Variants in TTYH1 observed in about 807,000 individuals in gnomAD.
TTYH1 encodes tweety family member 1, also known as protein tweety homolog 1.
In TTYH1, 33 loss-of-function variants were observed where a neutral mutation model predicts 61.2. The ratio of observed to expected loss-of-function variants is 0.54; its 90% CI spans 0.41 to 0.72. The LOEUF (loss-of-function observed/expected upper bound fraction) is 0.72, where lower values mean the gene tolerates loss of function less well. TTYH1 is among the 30% of genes least tolerant of loss of function. The pLI is 0.00. For missense variants in TTYH1, 538 were observed against 575.8 expected, an observed-to-expected ratio of 0.93 and a Z score of 0.67; for synonymous variants, 308 against 266.4, an observed-to-expected ratio of 1.16 and a Z score of -1.52.
At chr19:54,427,618 C>CAACAACA (rs1376863825) in intron 5 of TTYH1, among the ~76,000 whole-genome samples, 13 of 140,170 alleles carry the variant, frequency 9.3e-5, no homozygotes, top group South Asian at 4.5e-4. Context: ...ACAACAACAA[C>CAACAACA]AAAAAAAAAA....
In TTYH1 at chr19:54,419,218, C is replaced by G; in HGVS notation, c.217C>G (p.Arg73Gly). The G allele has an allele frequency of 1.2e-6, 2 of 1,610,922 alleles. No individual in the cohort carries two copies. The change falls in exon 2 of 14, where the codon CGG (arginine) becomes GGG (glycine). Residue 73 changes from arginine (R) to glycine (G), a missense_variant. Coordinates refer to ENST00000376530, the MANE Select transcript of TTYH1 (RefSeq NM_020659.4). The surrounding 1 kb of genome is among the most constrained non-coding windows in gnomAD (Gnocchi z 6.1). ...CTACCTCATCCGCTTCTGCTGCTGC[C>G]GGCCCCCCGAGCCCCCCGGGTCCAA... Reference protein sequence around the residue: ...AVYLIRFCCCRPPEPPGSKIP... With the variant: ...AVYLIRFCCCGPPEPPGSKIP...
Position 54,419,009 on chromosome 19 carries a change from G to C in TTYH1, c.127-119G>C. On this transcript the variant is annotated intron_variant, in intron 1 of 13. Transcript: ENST00000376530. This position sits in a 1 kb window ranked among gnomAD's most constrained non-coding sequence, Gnocchi z 6.1. ...CAATCTCCCCCAAGATTAGGCCAGG[G>C]ATGTCTCCCACCTTCACTCTGACAT... 1 of 1,013,356 alleles carries C rather than the reference G, an allele frequency of 9.9e-7. No homozygotes were observed. Among genetic ancestry groups the C allele is most frequent in the Non-Finnish European group, 1.4e-6 (1 of 692,152 alleles). The allele number at this position is 1,013,356 out of a possible 1,614,324, so 62.8% of individuals were successfully genotyped here. A position where few individuals can be genotyped will look rare whatever the true frequency, so the allele number is the denominator to read the frequency against.
intron 1 of TTYH1, chr19:54,418,836 G>T: frequency 2.7e-6 from 1 of 369,868 alleles, no homozygotes; most frequent in Non-Finnish European, 4.8e-6. Context: ...GCTCGGAGAA[G>T]GGGCGGTTCC....
At chr19:54,430,656 A>G in intron 8 of TTYH1, 51 bp downstream of exon 8, 1 of 1,365,814 alleles carries the variant, frequency 7.3e-7, no homozygotes, top group Non-Finnish European at 1.0e-6. Context: ...AGAAATCTGG[A>G]CTCTGAAGGG....
rs940589969 is a variant in TTYH1, at chr19:54,419,686, C to CG, written c.305+385dup. 1.9e-4 allele frequency: 91 copies of CG among 481,166 alleles called. 1 individual carries two copies. The Middle Eastern group carries it at 4.6e-3, about 24-fold the overall frequency. The allele number at this position is 481,166 out of a possible 1,614,324, so 29.8% of individuals were successfully genotyped here. A position where few individuals can be genotyped will look rare whatever the true frequency, so the allele number is the denominator to read the frequency against. On this transcript the variant is annotated intron_variant, in intron 2 of 13. Transcript: ENST00000376530. This position sits in a 1 kb window ranked among gnomAD's most constrained non-coding sequence, Gnocchi z 6.1. ...GCATTATCATCTCGCCCACCTCCTG[C>CG]GGGGGTAAGATGGAGAGAAAGCACA... is the stretch of plus-strand genomic sequence containing the variant.
rs773729665 is a variant in TTYH1, at chr19:54,429,865, T to G, written c.808-17T>G. On this transcript the variant is annotated splice_polypyrimidine_tract_variant and intron_variant, in intron 6 of 13. Coordinates refer to ENST00000376530, the MANE Select transcript of TTYH1 (RefSeq NM_020659.4). The surrounding 1 kb of genome is among the most constrained non-coding windows in gnomAD (Gnocchi z 5.1). The stretch of plus-strand genomic sequence containing the variant: ...GGCAGTTTTGGGTTTGAGCCCCTTT[T>G]CTGCTGCCTCACGCAGGGCCTCAGT... 3 of 1,613,042 alleles carry G rather than the reference T, an allele frequency of 1.9e-6. No individual in the cohort carries two copies. The highest frequency in any genetic ancestry group is 2.5e-6 in the Non-Finnish European group (3 of 1,179,458).
At chr19:54,426,868 T>G (rs2083330036) in intron 5 of TTYH1, 100 bp downstream of exon 5, 2 of 1,075,766 alleles carry the variant, frequency 1.9e-6, no homozygotes, top group East Asian at 5.0e-5. Flanking sequence ...CCGTGGTCCT[T>G]CACGGCCGGG....
rs1297581149 is a variant in TTYH1, at chr19:54,430,925, C to G, written c.1032+20C>G. 3.7e-6 allele frequency: 6 copies of G among 1,609,448 alleles called. No homozygotes were observed. Among genetic ancestry groups the G allele is most frequent in the South Asian group, 1.1e-5 (1 of 90,984 alleles). On this transcript the variant is annotated intron_variant, in intron 9 of 13. Coordinates refer to ENST00000376530, the MANE Select transcript of TTYH1 (RefSeq NM_020659.4). ...GCGCAGGTCGGTGGGTGGGCGCTCCCCAGACACGCGGACCCCACGGGGAAG... is the reference window on the plus strand; with the variant it reads ...GCGCAGGTCGGTGGGTGGGCGCTCCGCAGACACGCGGACCCCACGGGGAAG...
At position 54,422,285 on chromosome 19, in the gene TTYH1, C is replaced by G. The variant is rs767703881; in HGVS notation, c.513C>G (p.Ala171=). The G allele has an allele frequency of 6.4e-7, 1 of 1,567,104 alleles. No individual in the cohort carries two copies. ...AGCCGCGCACGGAGCTGGTGGCTGCCGCCCGAGGGGCTCGACGGCAGGCGG... is the reference window on the plus strand; with the variant it reads ...AGCCGCGCACGGAGCTGGTGGCTGCGGCCCGAGGGGCTCGACGGCAGGCGG... ...VLEPRTELVA[A]ARGARRQAEA... The change falls in exon 4 of 14, where the codon GCC becomes GCG. Residue 171 remains alanine (A), a synonymous_variant. Coordinates refer to ENST00000376530, the MANE Select transcript of TTYH1 (RefSeq NM_020659.4).
intron 1 of TTYH1, among the ~76,000 whole-genome samples, chr19:54,417,311 A>G (rs930371309): frequency 6.6e-5 from 10 of 150,644 alleles, no homozygotes; most frequent in African/African-American, 2.2e-4. Flanking sequence ...ATGCACACTC[A>G]CATGCACACA....
At position 54,419,012 on chromosome 19, in the gene TTYH1, G is replaced by A. The variant is rs972994464; in HGVS notation, c.127-116G>A. 2.2e-4 allele frequency: 234 copies of A among 1,042,226 alleles called. 3 individuals are homozygous for A. The highest frequency in any genetic ancestry group is 1.7e-3 in the Middle Eastern group (6 of 3,580). 64.6% of individuals were successfully genotyped at this position (1,042,226 alleles called of 1,614,324 possible). Reference sequence around the variant, plus strand: ...TCTCCCCCAAGATTAGGCCAGGGATGTCTCCCACCTTCACTCTGACATCCC... The same window carrying A: ...TCTCCCCCAAGATTAGGCCAGGGATATCTCCCACCTTCACTCTGACATCCC... On this transcript the variant is annotated intron_variant, in intron 1 of 13. Transcript: ENST00000376530. The surrounding 1 kb of genome is among the most constrained non-coding windows in gnomAD (Gnocchi z 6.1).
Position 54,429,543 on chromosome 19 carries a change from T to C in TTYH1, c.807+164T>C, listed in dbSNP as rs750125313. Among the ~76,000 whole-genome samples, 2 of 151,798 alleles carry C rather than the reference T, an allele frequency of 1.3e-5. No homozygotes were observed. Among genetic ancestry groups the C allele is most frequent in the Admixed American group, 6.6e-5 (1 of 15,232 alleles). On this transcript the variant is annotated intron_variant, in intron 6 of 13. Coordinates refer to ENST00000376530, the MANE Select transcript of TTYH1 (RefSeq NM_020659.4). This position sits in a 1 kb window ranked among gnomAD's most constrained non-coding sequence, Gnocchi z 5.1. Reference sequence around the variant, plus strand: ...TCCTGGGGCCTGAGTGGGTACAGATTGGTGTCCTGGACGTTTGAGCTGTAA... The same window carrying C: ...TCCTGGGGCCTGAGTGGGTACAGATCGGTGTCCTGGACGTTTGAGCTGTAA...
Position 54,421,508 on chromosome 19 carries a change from T to C in TTYH1, c.417+120T>C, listed in dbSNP as rs1013483349. 1 of 716,562 alleles carries C rather than the reference T, an allele frequency of 1.4e-6. No homozygotes were observed. Among genetic ancestry groups the C allele is most frequent in the Non-Finnish European group, 2.5e-6 (1 of 402,288 alleles). The allele number at this position is 716,562 out of a possible 1,614,324, so 44.4% of individuals were successfully genotyped here. A position where few individuals can be genotyped will look rare whatever the true frequency, so the allele number is the denominator to read the frequency against. Reference sequence around the variant, plus strand: ...CAGGCTTGAAGCTTAGGAACCCAGATTCAGAACTTCATCCTGAGACCCACA... The same window carrying C: ...CAGGCTTGAAGCTTAGGAACCCAGACTCAGAACTTCATCCTGAGACCCACA... On this transcript the variant is annotated intron_variant, in intron 3 of 13. Transcript: ENST00000376530. This position sits in a 1 kb window ranked among gnomAD's most constrained non-coding sequence, Gnocchi z 4.8.
chr19:54,417,714 A>G (rs552780135), intron 1 of TTYH1, among the ~76,000 whole-genome samples: 4 of 151,168 alleles, frequency 2.6e-5, no homozygotes, highest in East Asian at 2.0e-4. Context: ...TTCCATTCAC[A>G]TCTACACACA....
intron 4 of TTYH1, among the ~76,000 whole-genome samples, chr19:54,425,629 C>T (rs2083307297): frequency 1.3e-5 from 2 of 152,146 alleles, no homozygotes; most frequent in Non-Finnish European, 2.9e-5. Flanking sequence ...GGACATCCAG[C>T]TAGTCCTGTC....
chr19:54,416,322 G>A lies in TTYH1; in HGVS notation c.126+644G>A. The A allele has an allele frequency of 3.9e-6, 1 of 254,030 alleles. No homozygotes were observed. The highest frequency in any genetic ancestry group is 8.1e-6 in the Non-Finnish European group (1 of 122,792). 15.7% of individuals were successfully genotyped at this position (254,030 alleles called of 1,614,324 possible). On this transcript the variant is annotated intron_variant, in intron 1 of 13. Transcript: ENST00000376530. The surrounding 1 kb of genome is among the most constrained non-coding windows in gnomAD (Gnocchi z 7.0). ...GATGAGGCTGGGTTTGGGGAGCCTC[G>A]GGATGACAGACCCGGGTCCCGAGGG...
At chr19:54,430,770 C>T (rs907850633) in intron 8 of TTYH1, 43 bp from the exon 9 acceptor site, 2 of 1,596,794 alleles carry the variant, frequency 1.3e-6, no homozygotes, top group East Asian at 4.5e-5. Flanking sequence ...GGGCCGGGGG[C>T]GTATACTCCT....
At chr19:54,435,922 C>A (rs745854511) in intron 12 of TTYH1, 49 bp downstream of exon 12, 2 of 1,606,744 alleles carry the variant, frequency 1.2e-6, no homozygotes, top group Non-Finnish European at 8.5e-7. Context: ...GTCCTGAACT[C>A]CTGGGTCTGA....
chr19:54,430,781 G>T, intron 8 of TTYH1, 32 bp from the exon 9 acceptor site: 1 of 1,607,940 alleles, frequency 6.2e-7, no homozygotes, highest in Non-Finnish European at 8.5e-7. Flanking sequence ...GTATACTCCT[G>T]GGTCCTCCTC....
Sources: allele counts gnomAD v4.1 joint callset (sites outside exome capture counted in the v4.1 genomes callset), GRCh38; gene constraint gnomAD v4.1.1; non-coding constraint Gnocchi (gnomAD v3.1); transcripts MANE v1.5; gene names NCBI Gene and HGNC (gene_info 2026-07-23, HGNC 2026-07-21).